S1PR2: variants seen among roughly 807,000 people sequenced by gnomAD.
The protein encoded by S1PR2 is sphingosine-1-phosphate receptor 2.
In S1PR2, 9 loss-of-function variants were observed where a neutral mutation model predicts 16.1. The ratio of observed to expected loss-of-function variants is 0.56; its 90% CI spans 0.34 to 0.98. The LOEUF (loss-of-function observed/expected upper bound fraction) is 0.98, where lower values mean the gene tolerates loss of function less well. Among genes scored for constraint, S1PR2 ranks in the 50% least tolerant of loss-of-function variants. The pLI is 0.02. For synonymous variants in S1PR2, 224 were observed against 233.9 expected (o/e 0.96, Z 0.38); for missense variants, 361 against 488.4 (o/e 0.74, Z 2.46).
chr19:10,228,853 C>T (rs960869475), intron 1 of S1PR2, among the ~76,000 whole-genome samples: 7 of 152,266 alleles, frequency 4.6e-5, no homozygotes, highest in African/African-American at 1.4e-4. Context: ...TAGACTCAGA[C>T]GACTGTTTGT....
intron 1 of S1PR2, among the ~76,000 whole-genome samples, chr19:10,230,811 C>T (rs1174097200): frequency 4.6e-5 from 7 of 152,238 alleles, no homozygotes; most frequent in Non-Finnish European, 8.8e-5. Flanking sequence ...GGAGGCTCCA[C>T]GGCGCGCACA....
At position 10,223,665 on chromosome 19, in the gene S1PR2, T is replaced by A. The variant is rs1281993615; in HGVS notation, c.*179A>T. 1 of 612,306 alleles carries A rather than the reference T, an allele frequency of 1.6e-6. No individual in the cohort carries two copies. Among genetic ancestry groups the A allele is most frequent in the Non-Finnish European group, 2.8e-6 (1 of 353,236 alleles). The allele number at this position is 612,306 out of a possible 1,614,324, so 37.9% of individuals were successfully genotyped here. A position where few individuals can be genotyped will look rare whatever the true frequency, so the allele number is the denominator to read the frequency against. ...GGCCCTCAGGACCGCACTGCAACAC[T>A]GCTATGTGACTAGTCAGTGCCTTAT... On this transcript the variant is annotated 3_prime_UTR_variant, in exon 2 of 2. Coordinates refer to ENST00000646641, the MANE Select transcript of S1PR2 (RefSeq NM_004230.4).
chr19:10,230,807 T>C (rs1408206201), intron 1 of S1PR2, among the ~76,000 whole-genome samples: 1 of 152,154 alleles, frequency 6.6e-6, no homozygotes, highest in Non-Finnish European at 1.5e-5. Context: ...GCTTGGAGGC[T>C]CCACGGCGCG....
At chr19:10,227,848 C>T (rs1371196127) in intron 1 of S1PR2, among the ~76,000 whole-genome samples, 2 of 152,054 alleles carry the variant, frequency 1.3e-5, no homozygotes, top group African/African-American at 4.8e-5. Flanking sequence ...TGGGTCACCC[C>T]GACCAGACAC....
rs1033256913 is a variant in S1PR2, at chr19:10,222,646, G to C, written c.*1198C>G. 2.6e-5 allele frequency: 4 copies of C among 152,358 alleles called. No individual in the cohort carries two copies. Among genetic ancestry groups the C allele is most frequent in the African/African-American group, 9.7e-5 (4 of 41,450 alleles). The allele number at this position is 152,358 out of a possible 1,614,324, so 9.4% of individuals were successfully genotyped here. A position where few individuals can be genotyped will look rare whatever the true frequency, so the allele number is the denominator to read the frequency against. Reference sequence around the variant, plus strand: ...CATCCCCTCCCCACCTCCAGCCGTGGTTTCCGGGCCTCAGAGAGACGGGGA... The same window carrying C: ...CATCCCCTCCCCACCTCCAGCCGTGCTTTCCGGGCCTCAGAGAGACGGGGA... On this transcript the variant is annotated 3_prime_UTR_variant, in exon 2 of 2. Coordinates refer to ENST00000646641, the MANE Select transcript of S1PR2 (RefSeq NM_004230.4).
chr19:10,231,002 C>T (rs1451987182), intron 1 of S1PR2, among the ~76,000 whole-genome samples: 1 of 152,240 alleles, frequency 6.6e-6, no homozygotes, highest in Non-Finnish European at 1.5e-5. Flanking sequence ...GCGGGGAGCA[C>T]AGTCTGCGGG....
In S1PR2 at chr19:10,224,620, C is replaced by A; in HGVS notation, c.286G>T (p.Val96Phe). ...FVANTLLSGS[V>F]TLRLTPVQWF... Reference sequence around the variant, plus strand: ...TGCACAGGCGTCAGCCTCAGCGTGACAGAGCCAGAGAGCAAGGTATTGGCT... The same window carrying A: ...TGCACAGGCGTCAGCCTCAGCGTGAAAGAGCCAGAGAGCAAGGTATTGGCT... Residue 96 changes from valine (V) to phenylalanine (F), a missense_variant, in exon 2 of 2, where the codon GTC (valine) becomes TTC (phenylalanine). Transcript: ENST00000646641. 3 of 1,614,074 alleles carry A rather than the reference C, an allele frequency of 1.9e-6. No homozygotes were observed. The highest frequency in any genetic ancestry group is 2.5e-6 in the Non-Finnish European group (3 of 1,180,044).
At chr19:10,230,539 G>T (rs1186587754) in intron 1 of S1PR2, 1 of 154,576 alleles carries the variant, frequency 6.5e-6, no homozygotes, top group Non-Finnish European at 1.5e-5. Context: ...GAGTCAACCC[G>T]TGCCTGAGAA....
At chr19:10,229,960 A>G (rs2145446058) in intron 1 of S1PR2, among the ~76,000 whole-genome samples, 1 of 150,936 alleles carries the variant, frequency 6.6e-6, no homozygotes, top group East Asian at 1.9e-4. Flanking sequence ...AACACTCAGA[A>G]AACGTGTGGA....
At chr19:10,225,042 C>T in intron 1 of S1PR2, 95 bp from the exon 2 acceptor site, 2 of 655,384 alleles carry the variant, frequency 3.1e-6, no homozygotes, top group Admixed American at 2.9e-5. Context: ...CAATTTCCTG[C>T]TCTGTTACTC....
intron 1 of S1PR2, among the ~76,000 whole-genome samples, chr19:10,226,887 G>T (rs929280688): frequency 6.6e-6 from 1 of 151,822 alleles, no homozygotes; most frequent in Non-Finnish European, 1.5e-5. Flanking sequence ...CCGCCGGGAG[G>T]GGGTAAGGCA....
At chr19:10,230,214 G>A (rs2039662532) in intron 1 of S1PR2, among the ~76,000 whole-genome samples, 1 of 152,314 alleles carries the variant, frequency 6.6e-6, no homozygotes, top group African/African-American at 2.4e-5. Flanking sequence ...CTCCTTATCT[G>A]GTTTAGGAAT....
rs767947690 is a variant in S1PR2 at position 10,223,804 on chromosome 19, A to G, written c.*40T>C. 7 of 1,501,542 alleles carry G rather than the reference A, an allele frequency of 4.7e-6. No individual in the cohort carries two copies. Among genetic ancestry groups the G allele is most frequent in the Non-Finnish European group, 6.2e-6 (7 of 1,123,098 alleles). The allele number at this position is 1,501,542 out of a possible 1,614,324, so 93.0% of individuals were successfully genotyped here. On this transcript the variant is annotated 3_prime_UTR_variant, in exon 2 of 2. Coordinates refer to ENST00000646641, the MANE Select transcript of S1PR2 (RefSeq NM_004230.4). Reference sequence around the variant, plus strand: ...GGGTCACCCAGTGGCCTCTCCATGAACCCCTCTGCCCTGGCCTGGTTGTTG... The same window carrying G: ...GGGTCACCCAGTGGCCTCTCCATGAGCCCCTCTGCCCTGGCCTGGTTGTTG...
chr19:10,228,854 G>C (rs534883766), intron 1 of S1PR2, among the ~76,000 whole-genome samples: 36 of 152,304 alleles, frequency 2.4e-4, no homozygotes, highest in African/African-American at 7.7e-4. Context: ...AGACTCAGAC[G>C]ACTGTTTGTC....
chr19:10,230,621 A>C, intron 1 of S1PR2: 1 of 152,948 alleles, frequency 6.5e-6, no homozygotes, highest in Non-Finnish European at 1.5e-5. Context: ...TTCACCCACG[A>C]CCCATCCCTG....
intron 1 of S1PR2, among the ~76,000 whole-genome samples, chr19:10,227,733 C>T (rs2039644526): frequency 6.6e-6 from 1 of 152,226 alleles, no homozygotes; most frequent in East Asian, 1.9e-4. Flanking sequence ...ACGGCCAGCC[C>T]TACCGATGGG....
chr19:10,225,714 T>C (rs1379448745), intron 1 of S1PR2, among the ~76,000 whole-genome samples: 2 of 152,010 alleles, frequency 1.3e-5, no homozygotes, highest in Non-Finnish European at 2.9e-5. Context: ...CTAGTTTTTT[T>C]GTTTTTTAGA....
intron 1 of S1PR2, among the ~76,000 whole-genome samples, chr19:10,227,543 C>T (rs534846763): frequency 1.8e-3 from 276 of 152,336 alleles, no homozygotes; most frequent in Middle Eastern, 3.4e-3. Flanking sequence ...GCCCTCTGCA[C>T]GCTGCAGCCA....
intron 1 of S1PR2, among the ~76,000 whole-genome samples, chr19:10,226,071 T>G (rs897499295): frequency 1.3e-5 from 2 of 152,334 alleles, no homozygotes; most frequent in East Asian, 3.9e-4. Context: ...GAGCAAGCCC[T>G]AGGCAGGTCC....
Sources: allele counts gnomAD v4.1 joint callset (sites outside exome capture counted in the v4.1 genomes callset), GRCh38; gene constraint gnomAD v4.1.1; transcripts MANE v1.5; gene names NCBI Gene and HGNC (gene_info 2026-07-23, HGNC 2026-07-21).